MPZL1: variants seen among roughly 807,000 people sequenced by gnomAD.
MPZL1 encodes myelin protein zero like 1, also known as myelin protein zero-like protein 1.
MPZL1 carries 16 observed loss-of-function variants against 29.3 expected under a neutral mutation model. The ratio of observed to expected loss-of-function variants is 0.55; its 90% CI spans 0.37 to 0.83. MPZL1 has a LOEUF of 0.83. Among genes scored for constraint, MPZL1 ranks in the 40% least tolerant of loss-of-function variants. The pLI, the probability that MPZL1 is intolerant of heterozygous loss-of-function variation, is 0.00. For missense variants in MPZL1, 279 were observed against 332.9 expected (o/e 0.84, Z 1.26); for synonymous variants, 143 against 132.0 (o/e 1.08, Z -0.57).
intron 1 of MPZL1, among the ~76,000 whole-genome samples, chr1:167,761,907 A>G (rs760877934): frequency 6.6e-6 from 1 of 152,142 alleles, no homozygotes; most frequent in South Asian, 2.1e-4. Flanking sequence ...ATGGTGGCCT[A>G]TGGGGTTTAG....
intron 1 of MPZL1, among the ~76,000 whole-genome samples, chr1:167,743,477 A>G (rs1301208885): frequency 6.6e-6 from 1 of 151,960 alleles, no homozygotes; most frequent in African/African-American, 2.4e-5. Flanking sequence ...AAGTACTGAG[A>G]TTACAGGCGT....
At chr1:167,771,993 C>T (rs192650560) in intron 2 of MPZL1, among the ~76,000 whole-genome samples, 5 of 151,992 alleles carry the variant, frequency 3.3e-5, no homozygotes, top group Non-Finnish European at 5.9e-5. Flanking sequence ...CGTGGCCGCA[C>T]GTGCCTGCAA....
chr1:167,783,022 C>A (rs1030179211), intron 5 of MPZL1, among the ~76,000 whole-genome samples: 1 of 152,312 alleles, frequency 6.6e-6, no homozygotes, highest in East Asian at 1.9e-4. Flanking sequence ...TTAAAATTGT[C>A]TTTATTCTCC....
intron 1 of MPZL1, among the ~76,000 whole-genome samples, chr1:167,763,970 G>A (rs1162712892): frequency 6.6e-6 from 1 of 152,180 alleles, no homozygotes; most frequent in African/African-American, 2.4e-5. Flanking sequence ...GAATGGGGGA[G>A]TACTCTTGTT....
At position 167,722,377 on chromosome 1, in the gene MPZL1, G is replaced by C. The variant is rs549693026; in HGVS notation, c.91+135G>C. 2.8e-4 allele frequency: 340 copies of C among 1,219,726 alleles called. 1 individual carries two copies. The African/African-American group carries it at 4.9e-3, about 18-fold the overall frequency. 75.6% of individuals were successfully genotyped at this position (1,219,726 alleles called of 1,614,324 possible). ...GGAGGGGGCGCGGCCTGCGCTCTCT[G>C]GGGCCGAGGGGACCCAGCCCATGGG... On this transcript the variant is annotated intron_variant, in intron 1 of 5. Transcript: ENST00000359523.
chr1:167,775,466 G>A (rs1661346611), intron 4 of MPZL1, among the ~76,000 whole-genome samples: 1 of 152,158 alleles, frequency 6.6e-6, no homozygotes, highest in Non-Finnish European at 1.5e-5. Context: ...ACCGTGAAAA[G>A]GTTCAGCCTG....
In MPZL1 at chr1:167,791,676, A is replaced by G. The variant is rs1455877196; in HGVS notation, c.*3755A>G. ...ACTATGCCCTGTGGCCTCTCACACC[A>G]AAAGGAAGTACCAAACTGCTTCCTT... On this transcript the variant is annotated 3_prime_UTR_variant, in exon 6 of 6. Coordinates refer to ENST00000359523, the MANE Select transcript of MPZL1 (RefSeq NM_003953.6). 6.6e-6 allele frequency: 1 copy of G among 152,244 alleles called. No individual in the cohort carries two copies. The highest frequency in any genetic ancestry group is 1.5e-5 in the Non-Finnish European group (1 of 68,050). The allele number at this position is 152,244 out of a possible 1,614,324, so 9.4% of individuals were successfully genotyped here.
At chr1:167,726,976 A>G (rs1024475173) in intron 1 of MPZL1, among the ~76,000 whole-genome samples, 3 of 152,178 alleles carry the variant, frequency 2.0e-5, no homozygotes, top group African/African-American at 7.2e-5. Context: ...ATACCAAAGG[A>G]CAGATTAAAT....
At position 167,789,538 on chromosome 1, in the gene MPZL1, G is replaced by T. The variant is rs1412206763; in HGVS notation, c.*1617G>T. ...AATAAAACAGGATTGAGATTTTGAG[G>T]TGTGCACAAGGTGGTAAGATAAAGG... is the stretch of plus-strand genomic sequence containing the variant. On this transcript the variant is annotated 3_prime_UTR_variant, in exon 6 of 6. Coordinates refer to ENST00000359523, the MANE Select transcript of MPZL1 (RefSeq NM_003953.6). 4 of 152,202 alleles carry T rather than the reference G, an allele frequency of 2.6e-5. No individual in the cohort carries two copies. Among genetic ancestry groups the T allele is most frequent in the Non-Finnish European group, 4.4e-5 (3 of 68,038 alleles). 9.4% of individuals were successfully genotyped at this position (152,202 alleles called of 1,614,324 possible).
intron 5 of MPZL1, among the ~76,000 whole-genome samples, chr1:167,777,707 AT>A (rs1383118346): frequency 1.3e-4 from 20 of 152,318 alleles, no homozygotes; most frequent in African/African-American, 4.8e-4. Context: ...ACTACCTGAA[AT>A]GCAGTAGGTT....
chr1:167,734,110 G>A (rs1660327143), intron 1 of MPZL1, among the ~76,000 whole-genome samples: 1 of 151,914 alleles, frequency 6.6e-6, no homozygotes. Context: ...CAAAAAATTA[G>A]CCAGGCATGG....
chr1:167,759,020 T>A (rs1660926876), intron 1 of MPZL1, among the ~76,000 whole-genome samples: 1 of 152,238 alleles, frequency 6.6e-6, no homozygotes, highest in African/African-American at 2.4e-5. Context: ...TTCATTTCAT[T>A]TCTGTGTTTT....
rs560557707 is a variant in MPZL1 at position 167,732,805 on chromosome 1, G to A, written c.91+10563G>A. Reference sequence around the variant, plus strand: ...CTAATTTTTGTAGAGATGGGGTTTCGCCATGTTGACCAGGCTGGTCTCGAG... The same window carrying A: ...CTAATTTTTGTAGAGATGGGGTTTCACCATGTTGACCAGGCTGGTCTCGAG... On this transcript the variant is annotated intron_variant, in intron 1 of 5. Coordinates refer to ENST00000359523, the MANE Select transcript of MPZL1 (RefSeq NM_003953.6). 2.0e-5 allele frequency among the ~76,000 whole-genome samples: 3 copies of A among 152,192 alleles called. No homozygotes were observed. The South Asian group carries it at 6.2e-4, about 32-fold the overall frequency.
At chr1:167,740,648 T>C (rs1441992559) in intron 1 of MPZL1, among the ~76,000 whole-genome samples, 2 of 152,168 alleles carry the variant, frequency 1.3e-5, no homozygotes, top group African/African-American at 2.4e-5. Context: ...TAGCATCTTC[T>C]CCTGTAGTTT....
intron 1 of MPZL1, among the ~76,000 whole-genome samples, chr1:167,764,082 C>T (rs776686034): frequency 1.6e-4 from 24 of 152,168 alleles, no homozygotes; most frequent in Non-Finnish European, 3.2e-4. Flanking sequence ...CCGTCTGTTA[C>T]ATTCTAAGAA....
At chr1:167,754,332 C>T (rs1183292988) in intron 1 of MPZL1, among the ~76,000 whole-genome samples, 3 of 152,228 alleles carry the variant, frequency 2.0e-5, no homozygotes, top group East Asian at 1.9e-4. Context: ...ATGCTTAGTG[C>T]GTATTTCATT....
At chr1:167,767,533 A>G (rs1182032214) in intron 2 of MPZL1, among the ~76,000 whole-genome samples, 4 of 152,248 alleles carry the variant, frequency 2.6e-5, no homozygotes, top group African/African-American at 7.2e-5. Context: ...TAATCAATTT[A>G]TACTTACACA....
At chr1:167,765,955 C>T (rs1039787853) in intron 2 of MPZL1, 2 of 368,634 alleles carry the variant, frequency 5.4e-6, no homozygotes, top group Non-Finnish European at 9.6e-6. Flanking sequence ...TTGATCAGTT[C>T]CTCTCCACCA....
rs533575375 is a variant in MPZL1 at position 167,751,171 on chromosome 1, T to C, written c.92-14412T>C. 1.2e-4 allele frequency among the ~76,000 whole-genome samples: 19 copies of C among 152,324 alleles called. 1 individual carries two copies. Among genetic ancestry groups the C allele is most frequent in the African/African-American group, 4.6e-4 (19 of 41,568 alleles). On this transcript the variant is annotated intron_variant, in intron 1 of 5. Transcript: ENST00000359523. ...CCCTTTGTAATTAATAACTATCTTA[T>C]GGGTAATTCTTTGAAACTAGGCAAC...
Sources: gnomAD v4.1 joint callset for allele counts (sites outside exome capture counted in the v4.1 genomes callset) on GRCh38, gnomAD v4.1.1 for gene constraint, MANE v1.5 for transcripts, NCBI Gene and HGNC (gene_info 2026-07-23, HGNC 2026-07-21) for gene names.